The following DLGAP2 variants were observed in gnomAD, a reference collection of about 807,000 sequenced individuals.
DLGAP2 encodes disks large-associated protein 2.
In DLGAP2, 26 loss-of-function variants were observed where a neutral mutation model predicts 100.3. That is an observed-to-expected ratio of 0.26 (90% confidence interval 0.19 to 0.36). The LOEUF (loss-of-function observed/expected upper bound fraction) is 0.36, where lower values mean the gene tolerates loss of function less well. Ranked by LOEUF, DLGAP2 falls within the 10% of genes least tolerant of loss-of-function variation. The pLI, the probability that DLGAP2 is intolerant of heterozygous loss-of-function variation, is 1.00. For missense variants in DLGAP2, 1,858 were observed against 1,453.2 expected (o/e 1.28, Z -4.53); for synonymous variants, 886 against 630.1 (o/e 1.41, Z -6.08).
At chr8:828,828 C>T (rs1282967765) in intron 1 of DLGAP2, among the ~76,000 whole-genome samples, 1 of 152,212 alleles carries the variant, frequency 6.6e-6, no homozygotes, top group African/African-American at 2.4e-5. Flanking sequence ...CCACGTTCTT[C>T]TGCCATGGCT....
chr8:1,345,758 A>T (rs2117092894), intron 3 of DLGAP2, among the ~76,000 whole-genome samples: 1 of 152,296 alleles, frequency 6.6e-6, no homozygotes, highest in South Asian at 2.1e-4. Context: ...AGTTATTGAA[A>T]CTTTCTAGGC....
At chr8:1,620,345 C>T (rs1436126990) in intron 6 of DLGAP2, 4 of 152,256 alleles carry the variant, frequency 2.6e-5, no homozygotes, top group Non-Finnish European at 5.9e-5. Context: ...TCACTTTCCT[C>T]CTGGATTCCC....
chr8:1,173,674 C>T (rs567134494), intron 2 of DLGAP2, among the ~76,000 whole-genome samples: 6 of 152,170 alleles, frequency 3.9e-5, no homozygotes, highest in Non-Finnish European at 7.3e-5. Context: ...GGGCGTAGGA[C>T]CCTCTGAGCC....
At chr8:1,458,598 G>T (rs1434365453) in intron 3 of DLGAP2, among the ~76,000 whole-genome samples, 6 of 152,192 alleles carry the variant, frequency 3.9e-5, no homozygotes, top group Admixed American at 3.9e-4. Context: ...GTGTGTAAAT[G>T]TGTCTATGGT....
chr8:910,142 T>G (rs938507509), intron 2 of DLGAP2, among the ~76,000 whole-genome samples: 2 of 152,212 alleles, frequency 1.3e-5, no homozygotes, highest in Non-Finnish European at 2.9e-5. Context: ...TGCTCCAAAC[T>G]GGGCGCTTAG....
At chr8:1,124,529 GTT>G (rs1344625140) in intron 2 of DLGAP2, among the ~76,000 whole-genome samples, 1 of 152,144 alleles carries the variant, frequency 6.6e-6, no homozygotes, top group Non-Finnish European at 1.5e-5. Flanking sequence ...ATACTTTTCT[GTT>G]TGTTTTCTAC....
intron 12 of DLGAP2, among the ~76,000 whole-genome samples, chr8:1,690,809 G>C (rs930912725): frequency 5.3e-5 from 8 of 151,758 alleles, no homozygotes; most frequent in South Asian, 2.1e-4. Context: ...ACTGTGGCCT[G>C]CTGACTCATA....
At chr8:1,567,576 T>C (rs1802453234) in intron 6 of DLGAP2, among the ~76,000 whole-genome samples, 1 of 152,198 alleles carries the variant, frequency 6.6e-6, no homozygotes, top group Admixed American at 6.5e-5. Context: ...TCATTCACCA[T>C]CACTGCCACG....
At chr8:1,152,643 G>T (rs1278776697) in intron 2 of DLGAP2, among the ~76,000 whole-genome samples, 1 of 152,144 alleles carries the variant, frequency 6.6e-6, no homozygotes, top group Non-Finnish European at 1.5e-5. Context: ...AGGGGTGCCT[G>T]CAGGGCCTCC....
At chr8:1,362,626 G>C (rs569358668) in intron 3 of DLGAP2, among the ~76,000 whole-genome samples, 28 of 152,148 alleles carry the variant, frequency 1.8e-4, no homozygotes, top group African/African-American at 6.0e-4. Flanking sequence ...CTTAACACCA[G>C]CACCGTCCTC....
intron 8 of DLGAP2, among the ~76,000 whole-genome samples, chr8:1,665,953 C>T (rs1798533842): frequency 6.6e-6 from 1 of 152,202 alleles, no homozygotes; most frequent in African/African-American, 2.4e-5. Flanking sequence ...CACTCAACAC[C>T]CTTGATAAAT....
At chr8:1,090,473 G>A (rs1399844859) in intron 2 of DLGAP2, among the ~76,000 whole-genome samples, 1 of 152,246 alleles carries the variant, frequency 6.6e-6, no homozygotes, top group Admixed American at 6.5e-5. Context: ...GACAGGGTTC[G>A]CCTGTGCCAG....
chr8:1,481,880 G>A (rs1475860439), intron 3 of DLGAP2, among the ~76,000 whole-genome samples: 2 of 152,204 alleles, frequency 1.3e-5, no homozygotes, highest in Non-Finnish European at 2.9e-5. Flanking sequence ...GGCACCCAGT[G>A]GGTTGATCAT....
chr8:1,022,132 C>T (rs1325514368), intron 2 of DLGAP2, among the ~76,000 whole-genome samples: 6 of 152,178 alleles, frequency 3.9e-5, no homozygotes, highest in Non-Finnish European at 5.9e-5. Context: ...AGGGCCATGT[C>T]CGAGCCACAC....
chr8:1,300,386 C>A (rs897514340), intron 3 of DLGAP2: 2 of 152,176 alleles, frequency 1.3e-5, no homozygotes, highest in Non-Finnish European at 2.9e-5. Flanking sequence ...TCCCTCCCTA[C>A]ACTGGCGTTT....
intron 1 of DLGAP2, among the ~76,000 whole-genome samples, chr8:822,870 A>C (rs1318897242): frequency 1.3e-5 from 2 of 152,220 alleles, no homozygotes; most frequent in African/African-American, 2.4e-5. Context: ...CACCTCCTGC[A>C]GTCCCCAGAC....
At chr8:1,233,688 C>T (rs1034782562) in intron 2 of DLGAP2, among the ~76,000 whole-genome samples, 2 of 152,130 alleles carry the variant, frequency 1.3e-5, no homozygotes, top group Non-Finnish European at 1.5e-5. Context: ...ATCTCAGTGC[C>T]TAAGAGTGTG....
At chr8:1,257,845 G>C (rs921311314) in intron 2 of DLGAP2, among the ~76,000 whole-genome samples, 1 of 152,254 alleles carries the variant, frequency 6.6e-6, no homozygotes, top group East Asian at 1.9e-4. Context: ...TCCCACCCTT[G>C]TGGGCTCAGG....
intron 2 of DLGAP2, among the ~76,000 whole-genome samples, chr8:1,114,808 T>C (rs1462333716): frequency 2.0e-5 from 3 of 152,224 alleles, no homozygotes; most frequent in Admixed American, 6.5e-5. Flanking sequence ...TTGAGATCTT[T>C]CCAACTTTTT....
Sources: allele counts gnomAD v4.1 joint callset (sites outside exome capture counted in the v4.1 genomes callset), GRCh38; gene constraint gnomAD v4.1.1; transcripts MANE v1.5; gene names NCBI Gene and HGNC (gene_info 2026-07-23, HGNC 2026-07-21).